DNAJC3: variants seen among roughly 807,000 people sequenced by gnomAD.
The protein encoded by DNAJC3 is dnaJ homolog subfamily C member 3.
A neutral mutation model predicts 68.6 loss-of-function variants in DNAJC3; 38 were observed. The observed-to-expected ratio is 0.55, with a 90% confidence interval of 0.43 to 0.73. The LOEUF is 0.73. DNAJC3 is among the 30% of genes least tolerant of loss of function. DNAJC3 has a pLI of 0.00. For synonymous variants in DNAJC3, 203 were observed against 204.0 expected (o/e 1.00, Z 0.04); for missense variants, 526 against 591.9 (o/e 0.89, Z 1.16).
At chr13:95,704,382 C>A (rs950808737) in intron 1 of DNAJC3, among the ~76,000 whole-genome samples, 1 of 152,188 alleles carries the variant, frequency 6.6e-6, no homozygotes, top group Non-Finnish European at 1.5e-5. Context: ...TAATAAACTG[C>A]AGCTTGTAAA....
At chr13:95,677,484 C>T in intron 1 of DNAJC3, 147 bp downstream of exon 1, 1 of 768,298 alleles carries the variant, frequency 1.3e-6, no homozygotes, top group East Asian at 3.4e-5. Context: ...GGGCCTGAGC[C>T]CGCGCCCGGT....
intron 4 of DNAJC3, among the ~76,000 whole-genome samples, chr13:95,728,062 A>G (rs1881587475): frequency 6.6e-6 from 1 of 152,222 alleles, no homozygotes; most frequent in South Asian, 2.1e-4. Context: ...CTGGAGATTT[A>G]TCTAGATTTT....
intron 2 of DNAJC3, among the ~76,000 whole-genome samples, chr13:95,711,062 A>G (rs563718548): frequency 1.3e-5 from 2 of 152,270 alleles, no homozygotes; most frequent in African/African-American, 4.8e-5. Context: ...TTACTATATA[A>G]ACTCAATGTA....
intron 1 of DNAJC3, among the ~76,000 whole-genome samples, chr13:95,697,990 G>A (rs1285592937): frequency 6.6e-6 from 1 of 151,764 alleles, no homozygotes; most frequent in Non-Finnish European, 1.5e-5. Flanking sequence ...AGTCTTTTTG[G>A]TGGTGTCACA....
intron 1 of DNAJC3, among the ~76,000 whole-genome samples, chr13:95,690,591 C>G (rs1338326196): frequency 3.3e-5 from 5 of 149,690 alleles, no homozygotes; most frequent in African/African-American, 7.4e-5. Flanking sequence ...ACCTCCCGGA[C>G]GGGGCGACTG....
chr13:95,715,937 A>G (rs976236665), intron 2 of DNAJC3, among the ~76,000 whole-genome samples: 9 of 151,454 alleles, frequency 5.9e-5, no homozygotes, highest in African/African-American at 1.9e-4. Flanking sequence ...TGGGCGGATC[A>G]CCTGAGGTCA....
chr13:95,707,185 A>G (rs1880782782), intron 1 of DNAJC3, among the ~76,000 whole-genome samples: 1 of 152,166 alleles, frequency 6.6e-6, no homozygotes, highest in South Asian at 2.1e-4. Flanking sequence ...GTGAGAATCT[A>G]ATGCCTCCAC....
chr13:95,768,597 T>C (rs1883074703), intron 9 of DNAJC3, among the ~76,000 whole-genome samples: 1 of 152,304 alleles, frequency 6.6e-6, no homozygotes, highest in African/African-American at 2.4e-5. Context: ...TGTTTGCAGA[T>C]TCTTGTGCCC....
chr13:95,684,333 G>A (rs550775105), intron 1 of DNAJC3, among the ~76,000 whole-genome samples: 5 of 152,284 alleles, frequency 3.3e-5, no homozygotes, highest in African/African-American at 4.8e-5. Context: ...TGGATCTGTG[G>A]AACTTTGAAC....
Position 95,791,398 on chromosome 13 carries a change from TAAG to T in DNAJC3, c.*372_*374del, listed in dbSNP as rs150794119. On this transcript the variant is annotated 3_prime_UTR_variant, in exon 12 of 12. Coordinates refer to ENST00000602402, the MANE Select transcript of DNAJC3 (RefSeq NM_006260.5). ...CAGAGTAAGTCAGTGCCTACAAGTG[TAAG>T]AAGGAGCTGTAATCTTCATGAGGAT... 9.7e-3 allele frequency: 2,347 copies of T among 242,784 alleles called. 60 individuals are homozygous for T. The highest frequency in any genetic ancestry group is 0.052 in the African/African-American group (2,215 of 42,552). The allele number at this position is 242,784 out of a possible 1,614,324, so 15.0% of individuals were successfully genotyped here. A position where few individuals can be genotyped will look rare whatever the true frequency, so the allele number is the denominator to read the frequency against.
intron 4 of DNAJC3, among the ~76,000 whole-genome samples, chr13:95,741,736 C>T (rs1426086917): frequency 1.3e-5 from 2 of 152,110 alleles, no homozygotes; most frequent in African/African-American, 4.8e-5. Context: ...TCCCAGGCCA[C>T]AGGTGGTGTG....
chr13:95,724,293 T>G (rs1881434343), intron 3 of DNAJC3, among the ~76,000 whole-genome samples: 1 of 152,162 alleles, frequency 6.6e-6, no homozygotes, highest in Admixed American at 6.5e-5. Context: ...TAGGAAAATT[T>G]TATTTACTGT....
intron 4 of DNAJC3, among the ~76,000 whole-genome samples, chr13:95,726,009 A>G (rs940475676): frequency 4.0e-5 from 6 of 151,626 alleles, no homozygotes; most frequent in Non-Finnish European, 2.9e-5. Flanking sequence ...TGAACTCTTC[A>G]TTTTTTATGG....
chr13:95,764,056 A>G (rs1488509246), intron 9 of DNAJC3, 103 bp downstream of exon 9: 11 of 1,499,538 alleles, frequency 7.3e-6, no homozygotes, highest in Non-Finnish European at 8.0e-6. Flanking sequence ...GAGTACCTGG[A>G]AATGTTGACA....
chr13:95,685,684 T>G (rs1005646187), intron 1 of DNAJC3, among the ~76,000 whole-genome samples: 2 of 151,682 alleles, frequency 1.3e-5, no homozygotes, highest in African/African-American at 4.9e-5. Flanking sequence ...GGTGGTAGGT[T>G]TTTTGTTTTT....
chr13:95,690,682 T>A (rs1298948332), intron 1 of DNAJC3, among the ~76,000 whole-genome samples: 1 of 122,892 alleles, frequency 8.1e-6, no homozygotes, highest in Non-Finnish European at 1.7e-5. Flanking sequence ...CCCACCTCCC[T>A]CCCGGACGGG....
chr13:95,768,034 A>G (rs73554961), intron 9 of DNAJC3, among the ~76,000 whole-genome samples: 2,281 of 151,866 alleles, frequency 0.015, 61 homozygotes, highest in African/African-American at 0.052. Context: ...CTGTTTTTTC[A>G]ATAGTAGCCA....
rs1167485674 is a variant in DNAJC3, at chr13:95,790,864, T to TC, written c.1358-8dup. On this transcript the variant is annotated splice_polypyrimidine_tract_variant and intron_variant, in intron 11 of 11. Transcript: ENST00000602402. ...TTATCTGGTTCTTAATTTTCTGATT[T>TC]CTTTCTAGAAATGAGAAAGAAGTTT... 6.2e-7 allele frequency: 1 copy of TC among 1,607,356 alleles called. No individual in the cohort carries two copies. The highest frequency in any genetic ancestry group is 1.7e-5 in the Admixed American group (1 of 57,634).
intron 1 of DNAJC3, among the ~76,000 whole-genome samples, chr13:95,703,665 T>C (rs1880640010): frequency 6.6e-6 from 1 of 152,250 alleles, no homozygotes; most frequent in Non-Finnish European, 1.5e-5. Flanking sequence ...AGATTGACTG[T>C]ATATACAAAT....
Sources: gnomAD v4.1 joint callset for allele counts (sites outside exome capture counted in the v4.1 genomes callset) on GRCh38, gnomAD v4.1.1 for gene constraint, MANE v1.5 for transcripts, NCBI Gene and HGNC (gene_info 2026-07-23, HGNC 2026-07-21) for gene names.